The following IQCH variants were observed in gnomAD, a reference collection of about 807,000 sequenced individuals.
IQCH encodes IQ motif containing H.
A neutral mutation model predicts 117.0 loss-of-function variants in IQCH; 98 were observed. The ratio of observed to expected loss-of-function variants is 0.84; its 90% CI spans 0.71 to 0.99. The LOEUF is 0.99. Ranked by LOEUF, IQCH falls within the 50% of genes least tolerant of loss-of-function variation. The pLI, the probability that IQCH is intolerant of heterozygous loss-of-function variation, is 0.00. For missense variants in IQCH, 1,102 were observed against 1,243.8 expected, an observed-to-expected ratio of 0.89 and a Z score of 1.72; for synonymous variants, 412 against 448.2, an observed-to-expected ratio of 0.92 and a Z score of 1.02.
intron 4 of IQCH, among the ~76,000 whole-genome samples, chr15:67,318,065 A>T (rs537876671): frequency 6.6e-6 from 1 of 152,306 alleles, no homozygotes; most frequent in South Asian, 2.1e-4. Flanking sequence ...TCACATTCTC[A>T]TTGAAGAAAA....
chr15:67,301,281 C>T (rs1278829964), intron 4 of IQCH, among the ~76,000 whole-genome samples: 2 of 151,776 alleles, frequency 1.3e-5, no homozygotes, highest in South Asian at 2.1e-4. Flanking sequence ...ATTATTGAGT[C>T]TCATAATACA....
rs879307484 is a variant in IQCH, at chr15:67,463,413, T to C, written c.2506-1714T>C. On this transcript the variant is annotated intron_variant, in intron 16 of 20. Transcript: ENST00000335894. This position sits in a 1 kb window ranked among gnomAD's most constrained non-coding sequence, Gnocchi z 4.0. Reference sequence around the variant, plus strand: ...TTAATTTCACTGGAGAACTGTTACATAGGATAAGGATTGGCTGGGCCAGAA... The same window carrying C: ...TTAATTTCACTGGAGAACTGTTACACAGGATAAGGATTGGCTGGGCCAGAA... 1.3e-5 allele frequency among the ~76,000 whole-genome samples: 2 copies of C among 152,194 alleles called. No homozygotes were observed. The highest frequency in any genetic ancestry group is 4.1e-4 in the South Asian group (2 of 4,832).
chr15:67,330,131 A>G (rs925051858), intron 4 of IQCH, among the ~76,000 whole-genome samples: 2 of 152,098 alleles, frequency 1.3e-5, no homozygotes, highest in African/African-American at 4.8e-5. Context: ...AGGTTCCTAT[A>G]CCACTGGCCA....
In IQCH at chr15:67,458,473, CTG is replaced by C. The variant is rs1035360678; in HGVS notation, c.2506-6653_2506-6652del. Among the ~76,000 whole-genome samples the C allele has an allele frequency of 6.6e-6, 1 of 152,208 alleles. No homozygotes were observed. Among genetic ancestry groups the C allele is most frequent in the Non-Finnish European group, 1.5e-5 (1 of 68,036 alleles). On this transcript the variant is annotated intron_variant, in intron 16 of 20. Coordinates refer to ENST00000335894, the MANE Select transcript of IQCH (RefSeq NM_001031715.3). This position sits in a 1 kb window ranked among gnomAD's most constrained non-coding sequence, Gnocchi z 4.1. ...CCTCAATTACTGCAAGTCTTCCTAA[CTG>C]GACTCCCTGTTTCCATCCTTGCCCC...
intron 16 of IQCH, among the ~76,000 whole-genome samples, chr15:67,448,932 G>A (rs1471990444): frequency 2.6e-5 from 4 of 152,152 alleles, no homozygotes; most frequent in Non-Finnish European, 5.9e-5. Context: ...GGTGTGAGAT[G>A]GTATCTCATT....
At chr15:67,423,898 AAG>A (rs1214590848) in intron 16 of IQCH, among the ~76,000 whole-genome samples, 1 of 151,968 alleles carries the variant, frequency 6.6e-6, no homozygotes, top group Non-Finnish European at 1.5e-5. Flanking sequence ...GAGAGTGAGA[AAG>A]AGAAAGGTAA....
chr15:67,383,973 T>G (rs1971025997), intron 10 of IQCH, among the ~76,000 whole-genome samples: 1 of 152,160 alleles, frequency 6.6e-6, no homozygotes, highest in South Asian at 2.1e-4. Context: ...ATAGTTTTCC[T>G]TAGGCTGAAA....
intron 18 of IQCH, among the ~76,000 whole-genome samples, chr15:67,484,110 T>C (rs2083409883): frequency 6.6e-6 from 1 of 151,824 alleles, no homozygotes; most frequent in Non-Finnish European, 1.5e-5. Flanking sequence ...ACAGCTAAAA[T>C]CAACTCTTAG....
Position 67,402,608 on chromosome 15 carries a change from G to A in IQCH, c.2097+2303G>A, listed in dbSNP as rs867631839. On this transcript the variant is annotated intron_variant, in intron 14 of 20. Coordinates refer to ENST00000335894, the MANE Select transcript of IQCH (RefSeq NM_001031715.3). ...TGAAGATGTTGTGTCATCAAGCCTA[G>A]CCTGGCACATACAAAACATATGCTG... 5.3e-5 allele frequency among the ~76,000 whole-genome samples: 8 copies of A among 152,266 alleles called. No individual in the cohort carries two copies. In the South Asian group the frequency reaches 8.3e-4, roughly 16 times the overall value.
At chr15:67,275,070 G>C (rs1966067234) in intron 3 of IQCH, among the ~76,000 whole-genome samples, 1 of 152,160 alleles carries the variant, frequency 6.6e-6, no homozygotes, top group Non-Finnish European at 1.5e-5. Flanking sequence ...CTTTGGCCTA[G>C]TTACAGAGCA....
intron 5 of IQCH, among the ~76,000 whole-genome samples, chr15:67,341,358 T>G (rs1003754005): frequency 3.9e-5 from 6 of 152,070 alleles, no homozygotes; most frequent in African/African-American, 1.4e-4. Flanking sequence ...GGACAAAAAC[T>G]AACAAACTGT....
rs1671357464 is a variant in IQCH, at chr15:67,261,312, A to C, written c.92A>C (p.Lys31Thr). The C allele has an allele frequency of 6.3e-7, 1 of 1,575,448 alleles. No homozygotes were observed. The change falls in exon 2 of 21, where the codon AAA (lysine) becomes ACA (threonine). Residue 31 changes from lysine to threonine, a missense_variant. Transcript: ENST00000335894. Reference protein sequence around the residue: ...DLYQLKEKLTKFSPEEKGETL... With the variant: ...DLYQLKEKLTTFSPEEKGETL... ...TATCAGTTAAAGGAGAAATTAACAA[A>C]ATTCTCACCTGAGGAAAAAGGAGAG...
rs1273433559 is a variant in IQCH, at chr15:67,453,523, G to T, written c.2506-11604G>T. Among the ~76,000 whole-genome samples, 6 of 152,200 alleles carry T rather than the reference G, an allele frequency of 3.9e-5. No individual in the cohort carries two copies. The East Asian group carries it at 1.2e-3, about 29-fold the overall frequency. On this transcript the variant is annotated intron_variant, in intron 16 of 20. Transcript: ENST00000335894. The surrounding 1 kb of genome is among the most constrained non-coding windows in gnomAD (Gnocchi z 5.8). ...ACTGTTTGCCTGGGTATCAGCAGCG[G>T]TGGCTGCAGAACAGTGGATTTTGGT...
At chr15:67,266,856 A>C (rs1385705913) in intron 3 of IQCH, among the ~76,000 whole-genome samples, 1 of 152,210 alleles carries the variant, frequency 6.6e-6, no homozygotes, top group Non-Finnish European at 1.5e-5. Flanking sequence ...AGCTCATGCT[A>C]AGAGTAAAAA....
At chr15:67,307,611 G>A (rs1967367059) in intron 4 of IQCH, among the ~76,000 whole-genome samples, 1 of 152,062 alleles carries the variant, frequency 6.6e-6, no homozygotes, top group Non-Finnish European at 1.5e-5. Flanking sequence ...ACATAATTTG[G>A]CAACGGTAGC....
rs2081462908 is a variant in IQCH at position 67,411,990 on chromosome 15, G to A, written c.2098-4941G>A. Reference sequence around the variant, plus strand: ...GGAACCTTCCAACGTCCTGACGATTGTTGATGCACTCTGAGAGGTAAATGT... The same window carrying A: ...GGAACCTTCCAACGTCCTGACGATTATTGATGCACTCTGAGAGGTAAATGT... On this transcript the variant is annotated intron_variant, in intron 14 of 20. Coordinates refer to ENST00000335894, the MANE Select transcript of IQCH (RefSeq NM_001031715.3). This position sits in a 1 kb window ranked among gnomAD's most constrained non-coding sequence, Gnocchi z 4.4. 6.6e-6 allele frequency among the ~76,000 whole-genome samples: 1 copy of A among 152,196 alleles called. No homozygotes were observed. The highest frequency in any genetic ancestry group is 2.4e-5 in the African/African-American group (1 of 41,444).
intron 15 of IQCH, among the ~76,000 whole-genome samples, chr15:67,418,824 C>A (rs186407055): frequency 2.0e-5 from 3 of 151,910 alleles, no homozygotes; most frequent in African/African-American, 7.3e-5. Context: ...GTGATCCGCC[C>A]GCCTCGGCCT....
Position 67,456,464 on chromosome 15 carries a change from G to A in IQCH, c.2506-8663G>A, listed in dbSNP as rs537544854. On this transcript the variant is annotated intron_variant, in intron 16 of 20. Coordinates refer to ENST00000335894, the MANE Select transcript of IQCH (RefSeq NM_001031715.3). This position sits in a 1 kb window ranked among gnomAD's most constrained non-coding sequence, Gnocchi z 5.1. Reference sequence around the variant, plus strand: ...ACCCATAAAATGAAGAGATGAGAAGGATGGAGGTCATTCTCAGTCAGCCAG... The same window carrying A: ...ACCCATAAAATGAAGAGATGAGAAGAATGGAGGTCATTCTCAGTCAGCCAG... Among the ~76,000 whole-genome samples, 6 of 152,078 alleles carry A rather than the reference G, an allele frequency of 3.9e-5. No individual in the cohort carries two copies. Among genetic ancestry groups the A allele is most frequent in the Admixed American group, 6.5e-5 (1 of 15,268 alleles).
intron 18 of IQCH, among the ~76,000 whole-genome samples, chr15:67,488,245 G>A (rs2083547634): frequency 6.6e-6 from 1 of 152,156 alleles, no homozygotes; most frequent in Non-Finnish European, 1.5e-5. Flanking sequence ...CTGAACTTGG[G>A]GACATCGAGG....
Sources: gnomAD v4.1 joint callset for allele counts (sites outside exome capture counted in the v4.1 genomes callset) on GRCh38, gnomAD v4.1.1 for gene constraint, Gnocchi (gnomAD v3.1) non-coding constraint, MANE v1.5 for transcripts, NCBI Gene and HGNC (gene_info 2026-07-23, HGNC 2026-07-21) for gene names.